The following ARHGAP8 variants were observed in gnomAD, a reference collection of about 807,000 sequenced individuals.
ARHGAP8 encodes Rho GTPase activating protein 8.
A neutral mutation model predicts 46.1 loss-of-function variants in ARHGAP8; 62 were observed. That is an observed-to-expected ratio of 1.34 (90% confidence interval 1.10 to 1.66). ARHGAP8 has a LOEUF of 1.66. Ranked by LOEUF, ARHGAP8 falls within the 40% of genes most tolerant of loss-of-function variation. The probability of loss-of-function intolerance (pLI) is 0.00; values close to 1 mark genes in which losing one functional copy is unlikely to be tolerated. For missense variants in ARHGAP8, 923 were observed against 568.4 expected (o/e 1.62, Z -6.34); for synonymous variants, 375 against 243.1 (o/e 1.54, Z -5.05).
chr22:44,768,776 C>T (rs372368734), intron 1 of ARHGAP8, among the ~76,000 whole-genome samples: 124 of 151,888 alleles, frequency 8.2e-4, no homozygotes, highest in African/African-American at 2.7e-3. Context: ...TCTGTCATGA[C>T]GCCAGATGAG....
chr22:44,831,760 A>G (rs1930963172), intron 7 of ARHGAP8, among the ~76,000 whole-genome samples: 1 of 152,152 alleles, frequency 6.6e-6, no homozygotes, highest in Admixed American at 6.5e-5. Context: ...CCTTGTCAAA[A>G]ACCAATAAAC....
chr22:44,796,886 C>T (rs549901284), intron 2 of ARHGAP8, among the ~76,000 whole-genome samples: 313 of 152,302 alleles, frequency 2.1e-3, no homozygotes, highest in African/African-American at 6.7e-3. Context: ...TTGTCAGATG[C>T]GTGGGTGGCC....
At chr22:44,787,492 T>A (rs1390411052) in intron 2 of ARHGAP8, among the ~76,000 whole-genome samples, 1 of 151,958 alleles carries the variant, frequency 6.6e-6, no homozygotes, top group Non-Finnish European at 1.5e-5. Flanking sequence ...TTACAGGCGC[T>A]CACCCCCACA....
At chr22:44,832,675 A>G (rs183092252) in intron 7 of ARHGAP8, among the ~76,000 whole-genome samples, 124 of 152,262 alleles carry the variant, frequency 8.1e-4, no homozygotes, top group Non-Finnish European at 1.5e-3. Flanking sequence ...AGAATTTTCT[A>G]TATCCAGGAT....
chr22:44,787,919 CTTTTT>C (rs1194920444), intron 2 of ARHGAP8, among the ~76,000 whole-genome samples: 1 of 89,090 alleles, frequency 1.1e-5, no homozygotes. Flanking sequence ...CCCAAATGTC[CTTTTT>C]TTTTTTTTTT....
At chr22:44,778,349 C>T (rs1926576082) in intron 1 of ARHGAP8, among the ~76,000 whole-genome samples, 1 of 152,134 alleles carries the variant, frequency 6.6e-6, no homozygotes, top group South Asian at 2.1e-4. Context: ...GCTATGAATG[C>T]CATTAATTCA....
intron 6 of ARHGAP8, 77 bp from the exon 7 acceptor site, chr22:44,825,406 A>G: frequency 6.8e-7 from 1 of 1,480,300 alleles, no homozygotes; most frequent in Non-Finnish European, 9.2e-7. Context: ...CAGGTGGGGC[A>G]TCCAGCCCCA....
intron 2 of ARHGAP8, among the ~76,000 whole-genome samples, chr22:44,797,418 C>T (rs1047382962): frequency 1.3e-5 from 2 of 152,060 alleles, no homozygotes; most frequent in Non-Finnish European, 2.9e-5. Flanking sequence ...GTGGTAGACA[C>T]TTTGTCTGGA....
chr22:44,758,336 C>A (rs375969477), intron 1 of ARHGAP8, among the ~76,000 whole-genome samples: 1 of 152,108 alleles, frequency 6.6e-6, no homozygotes, highest in Admixed American at 6.5e-5. Flanking sequence ...GCAGGAGAAT[C>A]GCTTGAATCC....
At chr22:44,779,218 G>C (rs545502597) in intron 1 of ARHGAP8, among the ~76,000 whole-genome samples, 1 of 150,954 alleles carries the variant, frequency 6.6e-6, no homozygotes, top group Non-Finnish European at 1.5e-5. Context: ...TCCTGCCTCA[G>C]CCTCCCTAGT....
At chr22:44,756,358 CCT>C (rs1432491477) in intron 1 of ARHGAP8, among the ~76,000 whole-genome samples, 1 of 152,098 alleles carries the variant, frequency 6.6e-6, no homozygotes, top group Admixed American at 6.6e-5. Flanking sequence ...CCTGAAGGTA[CCT>C]CTGAGGCCCC....
At chr22:44,781,341 G>A (rs1926833746) in intron 1 of ARHGAP8, among the ~76,000 whole-genome samples, 1 of 152,018 alleles carries the variant, frequency 6.6e-6, no homozygotes, top group South Asian at 2.1e-4. Context: ...TCTCCCTTGG[G>A]TTGCTGTGGC....
intron 2 of ARHGAP8, among the ~76,000 whole-genome samples, chr22:44,801,352 GCAGCTGTCTATGTGTGGGGGCA>G (rs1928525137): frequency 1.1e-5 from 1 of 88,832 alleles, no homozygotes; most frequent in Non-Finnish European, 2.1e-5. Context: ...ACCTCTCCCC[GCAGCTGTCTATGTGTGGGGGCA>G]CCTCTCCCCG....
At chr22:44,763,467 G>A (rs560455882) in intron 1 of ARHGAP8, among the ~76,000 whole-genome samples, 8 of 145,812 alleles carry the variant, frequency 5.5e-5, no homozygotes, top group Non-Finnish European at 9.0e-5. Flanking sequence ...ATTCCAGCCC[G>A]GGTGACAAAG....
Position 44,862,141 on chromosome 22 carries a change from C to T in ARHGAP8, c.982-134C>T, listed in dbSNP as rs2070520468. The T allele has an allele frequency of 2.8e-6, 3 of 1,086,276 alleles. No homozygotes were observed. The East Asian group carries it at 8.0e-5, about 29-fold the overall frequency. The allele number at this position is 1,086,276 out of a possible 1,614,324, so 67.3% of individuals were successfully genotyped here. A position where few individuals can be genotyped will look rare whatever the true frequency, so the allele number is the denominator to read the frequency against. On this transcript the variant is annotated intron_variant, in intron 11 of 11. Coordinates refer to ENST00000356099, the MANE Select transcript of ARHGAP8 (RefSeq NM_181335.3). ...TGGGCAGGTGGCTGCACAGGGTCCC[C>T]ATTACTGGCTGCCGGCTCCCAGTCC...
At chr22:44,842,281 C>T (rs1266482739) in intron 7 of ARHGAP8, among the ~76,000 whole-genome samples, 1 of 152,192 alleles carries the variant, frequency 6.6e-6, no homozygotes, top group Non-Finnish European at 1.5e-5. Context: ...TGCTTCAACT[C>T]AGGAGGTGGA....
intron 7 of ARHGAP8, among the ~76,000 whole-genome samples, chr22:44,836,355 C>T (rs1406379831): frequency 1.3e-5 from 2 of 151,862 alleles, no homozygotes; most frequent in Admixed American, 6.6e-5. Context: ...TGTATTGTCA[C>T]ACTGCTTGTC....
chr22:44,823,410 G>T (rs1353780274), intron 6 of ARHGAP8, among the ~76,000 whole-genome samples: 1 of 152,160 alleles, frequency 6.6e-6, no homozygotes, highest in Non-Finnish European at 1.5e-5. Context: ...CCAGCAGAGG[G>T]AAGCCCTCCT....
chr22:44,798,173 ACCATGTTAG>A (rs1928232750), intron 2 of ARHGAP8, among the ~76,000 whole-genome samples: 1 of 150,118 alleles, frequency 6.7e-6, no homozygotes, highest in Non-Finnish European at 1.5e-5. Context: ...ATGGGGTTTC[ACCATGTTAG>A]CCAGGCTGGT....
Sources: allele counts gnomAD v4.1 joint callset (sites outside exome capture counted in the v4.1 genomes callset), GRCh38; gene constraint gnomAD v4.1.1; transcripts MANE v1.5; gene names NCBI Gene and HGNC (gene_info 2026-07-23, HGNC 2026-07-21).